The following RXFP1 variants were observed in gnomAD, a reference collection of about 807,000 sequenced individuals.
RXFP1 encodes the protein relaxin family peptide receptor 1, also known as relaxin receptor 1.
A neutral mutation model predicts 89.8 loss-of-function variants in RXFP1; 73 were observed. That is an observed-to-expected ratio of 0.81 (90% CI 0.67 to 0.99). RXFP1 has a LOEUF of 0.99. Ranked by LOEUF, RXFP1 falls within the 50% of genes least tolerant of loss-of-function variation. RXFP1 has a pLI of 0.00. For missense variants in RXFP1, 793 were observed against 895.5 expected, an observed-to-expected ratio of 0.89 and a Z score of 1.46; for synonymous variants, 277 against 305.5, an observed-to-expected ratio of 0.91 and a Z score of 0.97.
intron 1 of RXFP1, chr4:158,543,850 C>T (rs1579462833): frequency 1.0e-6 from 1 of 985,302 alleles, no homozygotes; most frequent in Non-Finnish European, 1.2e-6. Context: ...TCCAGTAAGA[C>T]AGAGTGGCAT....
intron 11 of RXFP1, among the ~76,000 whole-genome samples, chr4:158,629,457 A>G (rs1255596983): frequency 1.3e-5 from 2 of 152,156 alleles, no homozygotes; most frequent in Admixed American, 6.5e-5. Context: ...TTTAATGCCA[A>G]TGACATAATT....
At chr4:158,646,206 A>G (rs952953338) in intron 15 of RXFP1, 2 of 296,428 alleles carry the variant, frequency 6.7e-6, no homozygotes, top group Admixed American at 4.8e-5. Context: ...GAGAGAAAAC[A>G]GTTTTGCTTA....
At chr4:158,600,619 G>C (rs1561100407) in intron 4 of RXFP1, among the ~76,000 whole-genome samples, 2 of 151,954 alleles carry the variant, frequency 1.3e-5, no homozygotes, top group African/African-American at 2.4e-5. Flanking sequence ...CTGAGTATAA[G>C]AATTTATGAA....
chr4:158,585,926 A>G (rs1758226654), intron 2 of RXFP1, among the ~76,000 whole-genome samples: 1 of 152,230 alleles, frequency 6.6e-6, no homozygotes, highest in Admixed American at 6.5e-5. Flanking sequence ...TTTGCTTAAA[A>G]GCAATACACT....
chr4:158,597,066 C>T (rs561436949), intron 3 of RXFP1, among the ~76,000 whole-genome samples: 6 of 152,108 alleles, frequency 3.9e-5, no homozygotes, highest in Middle Eastern at 3.4e-3. Context: ...GTGCAGCTAA[C>T]GACTAAATAT....
intron 1 of RXFP1, among the ~76,000 whole-genome samples, chr4:158,537,995 T>C (rs1055331378): frequency 1.3e-5 from 2 of 152,102 alleles, no homozygotes; most frequent in African/African-American, 4.8e-5. Context: ...ATGCAGGCAC[T>C]CAGATAGGTG....
intron 1 of RXFP1, among the ~76,000 whole-genome samples, chr4:158,534,636 A>G (rs1237839527): frequency 6.6e-6 from 1 of 152,082 alleles, no homozygotes; most frequent in Admixed American, 6.6e-5. Context: ...AATGATAAGC[A>G]CTCATAAATG....
chr4:158,614,736 A>G (rs549249204), intron 8 of RXFP1, among the ~76,000 whole-genome samples: 2 of 152,136 alleles, frequency 1.3e-5, no homozygotes, highest in South Asian at 4.1e-4. Flanking sequence ...TTGTGTGTTC[A>G]TTGGAGTAGC....
intron 2 of RXFP1, among the ~76,000 whole-genome samples, chr4:158,588,968 G>A (rs1758833562): frequency 6.6e-6 from 1 of 152,120 alleles, no homozygotes; most frequent in South Asian, 2.1e-4. Flanking sequence ...CCGCTCTCAC[G>A]CTGCTATGAA....
chr4:158,606,638 C>T (rs953338822), intron 5 of RXFP1, among the ~76,000 whole-genome samples: 15 of 152,052 alleles, frequency 9.9e-5, no homozygotes, highest in African/African-American at 3.6e-4. Context: ...TGCTGGAGTG[C>T]AGTAGTATGA....
At chr4:158,598,651 A>G (rs1292704003) in intron 3 of RXFP1, among the ~76,000 whole-genome samples, 1 of 152,180 alleles carries the variant, frequency 6.6e-6, no homozygotes, top group Non-Finnish European at 1.5e-5. Flanking sequence ...CAGCTCCACA[A>G]GATGGCCAAG....
At chr4:158,568,405 CACAG>C (rs1409442282) in intron 1 of RXFP1, among the ~76,000 whole-genome samples, 1 of 152,206 alleles carries the variant, frequency 6.6e-6, no homozygotes, top group African/African-American at 2.4e-5. Context: ...TGCATGAAAA[CACAG>C]GCAGGTATGG....
intron 4 of RXFP1, among the ~76,000 whole-genome samples, chr4:158,602,442 T>C (rs1427468537): frequency 6.6e-6 from 1 of 152,124 alleles, no homozygotes; most frequent in African/African-American, 2.4e-5. Context: ...CTATAGTGAT[T>C]CAGGTCCTGT....
chr4:158,649,210 C>G (rs1172062613), intron 17 of RXFP1, among the ~76,000 whole-genome samples: 1 of 152,106 alleles, frequency 6.6e-6, no homozygotes, highest in Non-Finnish European at 1.5e-5. Context: ...CCATAAATGC[C>G]TAACAATACA....
At chr4:158,604,991 T>G in intron 4 of RXFP1, 77 bp from the exon 5 acceptor site, 1 of 759,026 alleles carries the variant, frequency 1.3e-6, no homozygotes, top group South Asian at 1.8e-5. Flanking sequence ...AGTAAATAGT[T>G]TGTAATTATC....
rs185654478 is a variant in RXFP1 at position 158,540,012 on chromosome 4, G to A, written c.49+17987G>A. Among the ~76,000 whole-genome samples, 10 of 152,246 alleles carry A rather than the reference G, an allele frequency of 6.6e-5. No individual in the cohort carries two copies. In the East Asian group the frequency reaches 1.7e-3, roughly 26 times the overall value. ...CTTCTGTGAAAGGTAACAATGAGGA[G>A]ATTTTGTACATCCATTAATTTTATC... On this transcript the variant is annotated intron_variant, in intron 1 of 17. Coordinates refer to ENST00000307765, the MANE Select transcript of RXFP1 (RefSeq NM_021634.4).
chr4:158,558,442 G>A (rs1166590852), intron 1 of RXFP1, among the ~76,000 whole-genome samples: 4 of 152,180 alleles, frequency 2.6e-5, no homozygotes, highest in African/African-American at 7.2e-5. Flanking sequence ...TGAGCAATGG[G>A]TAGAGTAGGG....
intron 1 of RXFP1, among the ~76,000 whole-genome samples, chr4:158,568,388 A>T (rs535390971): frequency 1.3e-5 from 2 of 152,246 alleles, no homozygotes; most frequent in African/African-American, 4.8e-5. Flanking sequence ...AGAATATTCA[A>T]AAGAGCTGCA....
chr4:158,633,612 A>G, intron 12 of RXFP1, 136 bp downstream of exon 12: 1 of 514,790 alleles, frequency 1.9e-6, no homozygotes. Context: ...TTGCTGCCCA[A>G]CCACCACCAC....
Sources: allele counts gnomAD v4.1 joint callset (sites outside exome capture counted in the v4.1 genomes callset), GRCh38; gene constraint gnomAD v4.1.1; transcripts MANE v1.5; gene names NCBI Gene and HGNC (gene_info 2026-07-23, HGNC 2026-07-21).